The following ATG10 variants were observed in gnomAD, a reference collection of about 807,000 sequenced individuals.
The protein encoded by ATG10 is ubiquitin-like-conjugating enzyme ATG10.
Under a neutral mutation model 32.1 loss-of-function variants are expected in ATG10, and 30 were observed. That is an observed-to-expected ratio of 0.94 (90% CI 0.70 to 1.27). The LOEUF is 1.27. Among genes scored for constraint, ATG10 ranks in the 50% most tolerant of loss-of-function variants. The pLI, the probability that ATG10 is intolerant of heterozygous loss-of-function variation, is 0.00. For missense variants in ATG10, 233 were observed against 262.3 expected, an observed-to-expected ratio of 0.89 and a Z score of 0.77; for synonymous variants, 87 against 91.5, an observed-to-expected ratio of 0.95 and a Z score of 0.28.
intron 3 of ATG10, among the ~76,000 whole-genome samples, chr5:82,125,188 C>T (rs1055201330): frequency 6.6e-6 from 1 of 151,944 alleles, no homozygotes; most frequent in Non-Finnish European, 1.5e-5. Context: ...GGATATTAGC[C>T]CTTTGTCAGA....
intron 5 of ATG10, among the ~76,000 whole-genome samples, chr5:82,229,925 G>A (rs1018974576): frequency 6.6e-6 from 1 of 152,204 alleles, no homozygotes; most frequent in African/African-American, 2.4e-5. Flanking sequence ...ATGCAGGCCT[G>A]TTCGTATACA....
chr5:82,177,691 A>G lies in ATG10; in HGVS notation c.356-799A>G, dbSNP rs568626479. 5.9e-5 allele frequency among the ~76,000 whole-genome samples: 9 copies of G among 152,226 alleles called. No homozygotes were observed. The East Asian group carries it at 1.7e-3, about 29-fold the overall frequency. The stretch of plus-strand genomic sequence containing the variant: ...CTTTACTTACCTTGTGTATAATGTA[A>G]GTGCCATAGTGGTCTTTGTAAAATA... On this transcript the variant is annotated intron_variant, in intron 4 of 7. Coordinates refer to ENST00000282185, the MANE Select transcript of ATG10 (RefSeq NM_031482.5).
intron 4 of ATG10, among the ~76,000 whole-genome samples, chr5:82,177,964 CA>C (rs1466201340): frequency 6.6e-6 from 1 of 152,082 alleles, no homozygotes; most frequent in African/African-American, 2.4e-5. Flanking sequence ...ATAGTTTCCT[CA>C]GTAGATGTTA....
At chr5:82,017,381 T>G (rs917567658) in intron 2 of ATG10, among the ~76,000 whole-genome samples, 1 of 152,302 alleles carries the variant, frequency 6.6e-6, no homozygotes, top group South Asian at 2.1e-4. Context: ...CTTTACTGAT[T>G]TGGATGCCCT....
intron 3 of ATG10, among the ~76,000 whole-genome samples, chr5:82,133,649 G>T (rs1766627123): frequency 6.6e-6 from 1 of 152,104 alleles, no homozygotes; most frequent in African/African-American, 2.4e-5. Context: ...TTTGAAGTCA[G>T]GTAGTGTGAT....
intron 3 of ATG10, among the ~76,000 whole-genome samples, chr5:82,091,738 T>C (rs906869111): frequency 3.9e-5 from 6 of 152,148 alleles, no homozygotes; most frequent in African/African-American, 1.4e-4. Context: ...GTGGAAAAAA[T>C]TGACTTGAAT....
intron 3 of ATG10, among the ~76,000 whole-genome samples, chr5:82,062,710 T>C (rs1052491909): frequency 4.6e-5 from 7 of 152,180 alleles, no homozygotes; most frequent in Admixed American, 6.5e-5. Flanking sequence ...CCTTTAGACG[T>C]TGGGAATAAT....
At chr5:82,217,810 CAAA>C (rs869258898) in intron 5 of ATG10, among the ~76,000 whole-genome samples, 2 of 128,050 alleles carry the variant, frequency 1.6e-5, no homozygotes, top group Non-Finnish European at 3.4e-5. Context: ...CCCTCTCTAC[CAAA>C]AAAAAAAAAA....
intron 3 of ATG10, among the ~76,000 whole-genome samples, chr5:82,120,935 C>T (rs1766017375): frequency 6.6e-6 from 1 of 152,082 alleles, no homozygotes; most frequent in South Asian, 2.1e-4. Context: ...ACATTTATTA[C>T]GTTGCATTTA....
At chr5:82,130,639 C>T (rs889879503) in intron 3 of ATG10, among the ~76,000 whole-genome samples, 8 of 152,140 alleles carry the variant, frequency 5.3e-5, no homozygotes, top group African/African-American at 7.2e-5. Flanking sequence ...GAGGAGATGC[C>T]GCACTCTGCT....
At chr5:82,183,564 A>G (rs1010366980) in intron 5 of ATG10, among the ~76,000 whole-genome samples, 9 of 152,038 alleles carry the variant, frequency 5.9e-5, no homozygotes, top group Admixed American at 5.2e-4. Context: ...ATGTCTGGTT[A>G]TCCCTCTTTT....
At chr5:82,237,521 C>T (rs1746613100) in intron 5 of ATG10, among the ~76,000 whole-genome samples, 1 of 151,780 alleles carries the variant, frequency 6.6e-6, no homozygotes, top group Non-Finnish European at 1.5e-5. Flanking sequence ...GCGTGCACCT[C>T]TAGTCCCAAC....
intron 4 of ATG10, among the ~76,000 whole-genome samples, chr5:82,174,367 A>G (rs771679785): frequency 3.3e-5 from 5 of 152,174 alleles, no homozygotes; most frequent in Non-Finnish European, 5.9e-5. Flanking sequence ...GCAGAGACAC[A>G]GAGGAAAAGC....
chr5:82,199,663 A>T (rs942468061), intron 5 of ATG10, among the ~76,000 whole-genome samples: 3 of 152,206 alleles, frequency 2.0e-5, no homozygotes, highest in African/African-American at 4.8e-5. Flanking sequence ...ACATTATTTT[A>T]AAAAATTTAC....
intron 3 of ATG10, among the ~76,000 whole-genome samples, chr5:82,124,153 G>T (rs1207656287): frequency 1.4e-5 from 2 of 143,890 alleles, no homozygotes; most frequent in African/African-American, 2.6e-5. Context: ...GCTGACACTT[G>T]CCACCACGCC....
At chr5:82,217,359 A>T (rs932723291) in intron 5 of ATG10, among the ~76,000 whole-genome samples, 3 of 152,154 alleles carry the variant, frequency 2.0e-5, no homozygotes, top group African/African-American at 7.2e-5. Context: ...GTTATTTACT[A>T]AACACTGTGC....
intron 5 of ATG10, among the ~76,000 whole-genome samples, chr5:82,196,438 T>C (rs888175796): frequency 6.6e-6 from 1 of 152,186 alleles, no homozygotes; most frequent in Non-Finnish European, 1.5e-5. Context: ...TTAGGTATTA[T>C]ATCTACAAAA....
intron 1 of ATG10, among the ~76,000 whole-genome samples, chr5:81,979,238 T>A (rs1206841495): frequency 6.6e-6 from 1 of 151,138 alleles, no homozygotes; most frequent in Non-Finnish European, 1.5e-5. Flanking sequence ...TAAAAAAAAA[T>A]GTTTACTGGC....
chr5:82,238,305 C>G (rs546113429), intron 5 of ATG10, among the ~76,000 whole-genome samples: 1 of 152,188 alleles, frequency 6.6e-6, no homozygotes, highest in Non-Finnish European at 1.5e-5. Context: ...AATCTTTCTT[C>G]GCAGCTTTTC....
Sources: allele counts gnomAD v4.1 joint callset (sites outside exome capture counted in the v4.1 genomes callset), GRCh38; gene constraint gnomAD v4.1.1; transcripts MANE v1.5; gene names NCBI Gene and HGNC (gene_info 2026-07-23, HGNC 2026-07-21).